Variants in TRMT44 observed in about 807,000 individuals in gnomAD.
TRMT44 encodes the protein tRNA methyltransferase 44 homolog, also known as probable tRNA (uracil-O(2)-)-methyltransferase.
TRMT44 carries 78 observed loss-of-function variants against 77.3 expected under a neutral mutation model. The ratio of observed to expected loss-of-function variants is 1.01; its 90% CI spans 0.84 to 1.22. The LOEUF (loss-of-function observed/expected upper bound fraction) is 1.22, where lower values mean the gene tolerates loss of function less well. Ranked by LOEUF, TRMT44 falls within the 50% of genes most tolerant of loss-of-function variation. TRMT44 has a pLI of 0.00. For synonymous variants in TRMT44, 391 were observed against 383.3 expected (o/e 1.02, Z -0.23); for missense variants, 1,090 against 964.4 (o/e 1.13, Z -1.73).
the TRMT44 span, among the ~76,000 whole-genome samples, chr4:8,500,864 G>A: frequency 6.6e-6 from 1 of 152,162 alleles, no homozygotes; most frequent in African/African-American, 2.4e-5. Context: ...GTTTCACCAT[G>A]TTGACCAGGC....
intron 6 of TRMT44, among the ~76,000 whole-genome samples, chr4:8,455,807 G>A (rs994851393): frequency 1.3e-5 from 2 of 152,048 alleles, no homozygotes; most frequent in African/African-American, 4.8e-5. Context: ...TGAACAACAC[G>A]GGATTGAACT....
intron 2 of TRMT44, among the ~76,000 whole-genome samples, chr4:8,489,965 A>G (rs759652720): frequency 2.6e-5 from 4 of 152,180 alleles, no homozygotes; most frequent in Admixed American, 6.5e-5. Context: ...TAGCATCACT[A>G]TTGTAGAATC....
chr4:8,488,202 G>A (rs564814327), intron 2 of TRMT44, among the ~76,000 whole-genome samples: 4 of 152,324 alleles, frequency 2.6e-5, no homozygotes, highest in African/African-American at 9.6e-5. Flanking sequence ...GCAAAGAGCA[G>A]GAGGACAGGG....
Position 8,475,836 on chromosome 4 carries a change from G to A in TRMT44, c.2109G>A (p.Pro703=), listed in dbSNP as rs376579613. ...AGACACTGTGGAAGACAAAGCAACC[G>A]GAAGCGAAACAGAGACTGCTCTCTG... ...REETLWKTKQ[P]EAKQRLLSEA... is the part of the protein sequence containing the mutation. The change falls in exon 11 of 11, where the codon CCG becomes CCA. Residue 703 remains proline (P), a synonymous_variant. Coordinates refer to ENST00000389737, the MANE Select transcript of TRMT44 (RefSeq NM_152544.3). 3.7e-5 allele frequency: 59 copies of A among 1,614,078 alleles called. No individual in the cohort carries two copies. The highest frequency in any genetic ancestry group is 2.1e-4 in the African/African-American group (16 of 74,938).
chr4:8,480,890 T>C (rs1490793562), downstream of TRMT44, among the ~76,000 whole-genome samples: 1 of 152,228 alleles, frequency 6.6e-6, no homozygotes, highest in Non-Finnish European at 1.5e-5. Flanking sequence ...CAAAGTAGTT[T>C]ACCTCAAAAT....
intron 2 of TRMT44, among the ~76,000 whole-genome samples, chr4:8,484,225 G>A (rs910586381): frequency 6.6e-6 from 1 of 152,158 alleles, no homozygotes; most frequent in Non-Finnish European, 1.5e-5. Context: ...TGAACGTCAG[G>A]TGGATCAGAG....
At position 8,446,571 on chromosome 4, in the gene TRMT44, A is replaced by G. The variant is rs200663012; in HGVS notation, c.715A>G (p.Ser239Gly). 3.2e-4 allele frequency: 498 copies of G among 1,535,326 alleles called. No homozygotes were observed. The highest frequency in any genetic ancestry group is 4.1e-4 in the Non-Finnish European group (475 of 1,146,124). Reference protein sequence around the residue: ...KMSNVYQIQLSHSKEEWFISV... With the variant: ...KMSNVYQIQLGHSKEEWFISV... The stretch of plus-strand genomic sequence containing the variant: ...GAGCAATGTGTATCAAATTCAGCTC[A>G]GTCATAGCAAAGAAGAATGGTAAGA... The change falls in exon 2 of 11, where the codon AGT becomes GGT. Residue 239 changes from serine (S) to glycine (G), a missense_variant. By Grantham distance (56) the Ser-to-Gly change is moderately conservative. Coordinates refer to ENST00000389737, the MANE Select transcript of TRMT44 (RefSeq NM_152544.3). This position sits in a 1 kb window ranked among gnomAD's most constrained non-coding sequence, Gnocchi z 4.3.
intron 2 of TRMT44, among the ~76,000 whole-genome samples, chr4:8,485,992 C>T (rs1035389275): frequency 1.3e-4 from 20 of 152,078 alleles, no homozygotes; most frequent in African/African-American, 1.9e-4. Context: ...TAAAGCTTGG[C>T]GTTGGTGATG....
At chr4:8,486,408 C>G (rs1454594836) in intron 2 of TRMT44, among the ~76,000 whole-genome samples, 2 of 152,170 alleles carry the variant, frequency 1.3e-5, no homozygotes, top group African/African-American at 4.8e-5. Context: ...TATTGTACAC[C>G]TTGAAGGCGA....
intron 6 of TRMT44, among the ~76,000 whole-genome samples, chr4:8,457,655 C>A (rs544439714): frequency 6.6e-6 from 1 of 152,114 alleles, no homozygotes; most frequent in Non-Finnish European, 1.5e-5. Context: ...TTGAAGACAC[C>A]GTCATTGCTA....
intron 2 of TRMT44, among the ~76,000 whole-genome samples, chr4:8,485,016 G>A (rs1401508704): frequency 6.6e-6 from 1 of 152,208 alleles, no homozygotes; most frequent in Non-Finnish European, 1.5e-5. Flanking sequence ...GTCTTGTTGA[G>A]AAGATTCAAA....
In TRMT44 at chr4:8,463,858, T is replaced by C. The variant is rs190025408; in HGVS notation, c.1204-127T>C. On this transcript the variant is annotated intron_variant, in intron 6 of 10. Coordinates refer to ENST00000389737, the MANE Select transcript of TRMT44 (RefSeq NM_152544.3). ...CCCCGCTCTTCCCCGCTCTTGGTCA[T>C]GCAGCAGGTGAACTGCGGCTCTGCG... The C allele has an allele frequency of 1.1e-5, 8 of 738,856 alleles. No homozygotes were observed. The East Asian group carries it at 1.6e-4, about 15-fold the overall frequency. The allele number at this position is 738,856 out of a possible 1,614,324, so 45.8% of individuals were successfully genotyped here. A position where few individuals can be genotyped will look rare whatever the true frequency, so the allele number is the denominator to read the frequency against.
At chr4:8,484,776 C>T (rs1466644177) in intron 2 of TRMT44, among the ~76,000 whole-genome samples, 1 of 152,096 alleles carries the variant, frequency 6.6e-6, no homozygotes, top group Non-Finnish European at 1.5e-5. Flanking sequence ...GTTAGGATGG[C>T]AAAACCAGGT....
At chr4:8,456,637 G>A (rs945367871) in intron 6 of TRMT44, among the ~76,000 whole-genome samples, 11 of 151,908 alleles carry the variant, frequency 7.2e-5, no homozygotes, top group African/African-American at 2.7e-4. Flanking sequence ...TATTTAGAAT[G>A]CAGCTTTGAT....
chr4:8,455,126 T>C (rs1046353470), intron 6 of TRMT44, among the ~76,000 whole-genome samples: 2 of 152,232 alleles, frequency 1.3e-5, no homozygotes, highest in Non-Finnish European at 2.9e-5. Flanking sequence ...CTGTGCCCCG[T>C]GCATTTTGCG....
chr4:8,481,918 C>A (rs1168337414), intron 2 of TRMT44, among the ~76,000 whole-genome samples: 1 of 152,192 alleles, frequency 6.6e-6, no homozygotes, highest in Non-Finnish European at 1.5e-5. Flanking sequence ...AGAAACATGG[C>A]CATGGTGATG....
chr4:8,443,969 A>AG (rs1724912768), intron 1 of TRMT44, among the ~76,000 whole-genome samples: 1 of 152,138 alleles, frequency 6.6e-6, no homozygotes, highest in East Asian at 1.9e-4. Context: ...AAAAAAAAAA[A>AG]AAAGGAATGT....
At chr4:8,467,254 A>G (rs1477357047) in intron 8 of TRMT44, among the ~76,000 whole-genome samples, 1 of 151,782 alleles carries the variant, frequency 6.6e-6, no homozygotes, top group African/African-American at 2.4e-5. Context: ...TACCATCAGC[A>G]TGTGCCCCCG....
At chr4:8,498,217 T>C (rs1052966407), downstream of TRMT44, among the ~76,000 whole-genome samples, 1 of 152,154 alleles carries the variant, frequency 6.6e-6, no homozygotes, top group African/African-American at 2.4e-5. The surrounding 1 kb of genome is among the most constrained non-coding windows in gnomAD (Gnocchi z 4.3). Context: ...GATGATGACA[T>C]TTTGCTTGAT....
Sources: gnomAD v4.1 joint callset for allele counts (sites outside exome capture counted in the v4.1 genomes callset) on GRCh38, gnomAD v4.1.1 for gene constraint, Gnocchi (gnomAD v3.1) non-coding constraint, MANE v1.5 for transcripts, NCBI Gene and HGNC (gene_info 2026-07-23, HGNC 2026-07-21) for gene names.